The following MCF2L variants were observed in gnomAD, a reference collection of about 807,000 sequenced individuals.
The protein encoded by MCF2L is MCF.2 cell line derived transforming sequence like.
A neutral mutation model predicts 153.4 loss-of-function variants in MCF2L; 97 were observed. That is an observed-to-expected ratio of 0.63 (90% CI 0.54 to 0.75). The LOEUF (loss-of-function observed/expected upper bound fraction) is 0.75. Ranked by LOEUF, MCF2L falls within the 30% of genes least tolerant of loss-of-function variation. The pLI is 0.00. For synonymous variants in MCF2L, 659 were observed against 632.2 expected, an observed-to-expected ratio of 1.04 and a Z score of -0.64; for missense variants, 1,347 against 1,495.2, an observed-to-expected ratio of 0.90 and a Z score of 1.64.
At chr13:113,013,241 G>A (rs182633218) in intron 1 of MCF2L, among the ~76,000 whole-genome samples, 1 of 152,328 alleles carries the variant, frequency 6.6e-6, no homozygotes, top group East Asian at 1.9e-4. Context: ...CTGATTGACT[G>A]TTTCTGTCTT....
Position 113,064,034 on chromosome 13 carries a change from T to C in MCF2L, c.490-270T>C. ...TGGCTAGTGTGCAGTGCCTGCCAAA[T>C]AGCAGGGAAGGAGGGCGCACGGAGT... On this transcript the variant is annotated intron_variant, in intron 5 of 29. Coordinates refer to ENST00000535094, the MANE Select transcript of MCF2L (RefSeq NM_001112732.3). The surrounding 1 kb of genome is among the most constrained non-coding windows in gnomAD (Gnocchi z 6.0). 6.4e-6 allele frequency: 3 copies of C among 467,578 alleles called. No individual in the cohort carries two copies. The highest frequency in any genetic ancestry group is 1.2e-5 in the Non-Finnish European group (3 of 249,478). 29.0% of individuals were successfully genotyped at this position (467,578 alleles called of 1,614,324 possible).
At chr13:113,051,120 C>G (rs1221276563) in intron 4 of MCF2L, among the ~76,000 whole-genome samples, 7 of 152,212 alleles carry the variant, frequency 4.6e-5, no homozygotes, top group Admixed American at 4.6e-4. Context: ...CACAGTCCCC[C>G]CGTGGTGGAC....
upstream of MCF2L, chr13:112,965,072 G>A (rs1396082297): frequency 1.3e-5 from 2 of 152,258 alleles, no homozygotes; most frequent in African/African-American, 2.4e-5. Flanking sequence ...TATAGTTTAT[G>A]TTAATGTGAA....
intron 12 of MCF2L, among the ~76,000 whole-genome samples, chr13:113,076,714 G>A (rs1357488027): frequency 6.6e-6 from 1 of 152,266 alleles, no homozygotes; most frequent in African/African-American, 2.4e-5. Context: ...TTGTGGCATG[G>A]GTGTGTTCTT....
At position 112,932,425 on chromosome 13, in the gene MCF2L, G is replaced by A. The variant is rs999373384; in HGVS notation, c.169+30054G>A. The stretch of plus-strand genomic sequence containing the variant: ...CAGCCAAGAGGAGCTGAAGGAGACA[G>A]GATGACTGAATCCTAGAACAGAAGA... On this transcript the variant is annotated intron_variant, in intron 2 of 29. Coordinates refer to the MCF2L transcript ENST00000375608. The surrounding 1 kb of genome is among the most constrained non-coding windows in gnomAD (Gnocchi z 4.6). Among the ~76,000 whole-genome samples the A allele has an allele frequency of 7.2e-5, 11 of 152,206 alleles. No individual in the cohort carries two copies. Among genetic ancestry groups the A allele is most frequent in the African/African-American group, 2.7e-4 (11 of 41,442 alleles).
rs528272183 is a variant in MCF2L at position 113,075,108 on chromosome 13, C to T, written c.1227C>T (p.Leu409=). The T allele has an allele frequency of 9.3e-6, 15 of 1,613,680 alleles. No individual in the cohort carries two copies. In the South Asian group the frequency reaches 9.9e-5, roughly 11 times the overall value. ...CAAAGTGCCAGGAGCTCCGGCACCT[C>T]TGTGACCAGTTCTCTGCGGAGATCG... ...IRPKCQELRH[L]CDQFSAEIAR... Residue 409 remains leucine (L), a synonymous_variant, in exon 11 of 30, where the codon CTC becomes CTT. Transcript: ENST00000535094.
chr13:112,947,547 A>G (rs1276381320), intron 2 of MCF2L, among the ~76,000 whole-genome samples: 1 of 152,234 alleles, frequency 6.6e-6, no homozygotes, highest in Non-Finnish European at 1.5e-5. Context: ...AAAAGGAAAA[A>G]TAGGCAAGAG....
At chr13:113,017,413 C>G (rs1434589672) in intron 2 of MCF2L, among the ~76,000 whole-genome samples, 1 of 152,218 alleles carries the variant, frequency 6.6e-6, no homozygotes, top group Non-Finnish European at 1.5e-5. Flanking sequence ...GCCTCAAAGC[C>G]CCTCTGCCTT....
At chr13:112,931,827 G>T (rs1312879284) in intron 2 of MCF2L, among the ~76,000 whole-genome samples, 1 of 152,194 alleles carries the variant, frequency 6.6e-6, no homozygotes, top group Non-Finnish European at 1.5e-5. Context: ...GGGCAGGCCA[G>T]AGGGACGCAG....
intron 4 of MCF2L, among the ~76,000 whole-genome samples, chr13:113,057,940 GTGTTTGGGTGCTGAGTGTTTTGGCAC>G: frequency 7.0e-6 from 1 of 142,168 alleles, no homozygotes; most frequent in South Asian, 2.4e-4. Flanking sequence ...TGGGTGCTGA[GTGTTTGGGTGCTGAGTGTTTTGGCAC>G]TGTTTGGGTG....
rs541313460 is a variant in MCF2L, at chr13:112,988,591, T to C, written c.79+19133T>C. 4.6e-3 allele frequency among the ~76,000 whole-genome samples: 587 copies of C among 127,556 alleles called. 9 individuals carry two copies. The highest frequency in any genetic ancestry group is 0.016 in the African/African-American group (535 of 32,536). 83.7% of individuals were successfully genotyped at this position (127,556 alleles called of 152,430 possible). ...CTGAGCAGGGGATGGGCTACGACAC[T>C]GGAGTCCTCCCTGAGCAGGGGATGG... On this transcript the variant is annotated intron_variant, in intron 1 of 29. Coordinates refer to ENST00000535094, the MANE Select transcript of MCF2L (RefSeq NM_001112732.3).
At chr13:112,894,913 T>G (rs1194154384) in intron 1 of MCF2L, among the ~76,000 whole-genome samples, 1 of 100,862 alleles carries the variant, frequency 9.9e-6, no homozygotes, top group African/African-American at 3.3e-5. Flanking sequence ...GGGGTCCGGC[T>G]GGGGTCGGGC....
At chr13:113,013,512 T>C (rs2084309762) in intron 1 of MCF2L, among the ~76,000 whole-genome samples, 1 of 152,248 alleles carries the variant, frequency 6.6e-6, no homozygotes, top group Admixed American at 6.5e-5. Flanking sequence ...GTCCCGTGTT[T>C]ACACTTGTTT....
At chr13:113,062,948 G>C (rs1286481103) in intron 5 of MCF2L, among the ~76,000 whole-genome samples, 1 of 152,252 alleles carries the variant, frequency 6.6e-6, no homozygotes, top group Admixed American at 6.5e-5. Context: ...GTGGTGGTGT[G>C]TTGATTTCAA....
chr13:112,979,259 C>A, intron 1 of MCF2L: 1 of 1,005,414 alleles, frequency 9.9e-7, no homozygotes, highest in Non-Finnish European at 1.2e-6. Flanking sequence ...CTCCATAAGG[C>A]AAGGAGGTCC....
In MCF2L at chr13:113,096,455, C is replaced by A; in HGVS notation, c.3160C>A (p.Leu1054Met). The A allele has an allele frequency of 6.3e-7, 1 of 1,592,948 alleles. No individual in the cohort carries two copies. Among genetic ancestry groups the A allele is most frequent in the Non-Finnish European group, 8.5e-7 (1 of 1,170,990 alleles). ...CGTGAGGAGCGGGGACGTGGTGGAG[C>A]TGGTGCAGGAGGGCGACGAGGGCCT... ...LRVRSGDVVELVQEGDEGLWY... is the reference protein window; with the variant it reads ...LRVRSGDVVEMVQEGDEGLWY... Residue 1054 changes from leucine (L) to methionine (M), a missense_variant, in exon 28 of 30, where the codon CTG (leucine) becomes ATG (methionine). By Grantham distance (15) the Leu-to-Met change is conservative. Transcript: ENST00000535094.
At chr13:112,972,769 A>T (rs1417022525) in intron 1 of MCF2L, among the ~76,000 whole-genome samples, 2 of 47,488 alleles carry the variant, frequency 4.2e-5, no homozygotes, top group Non-Finnish European at 8.4e-5. Context: ...GGAGGGAGGG[A>T]GGGATGGATG....
intron 2 of MCF2L, among the ~76,000 whole-genome samples, chr13:112,940,202 A>G (rs986078615): frequency 1.3e-5 from 2 of 152,220 alleles, no homozygotes; most frequent in Admixed American, 1.3e-4. Context: ...TTTTGTCCTT[A>G]AAAACATCTT....
At chr13:113,004,135 C>T (rs1398852242) in intron 1 of MCF2L, among the ~76,000 whole-genome samples, 4 of 152,214 alleles carry the variant, frequency 2.6e-5, no homozygotes, top group Non-Finnish European at 5.9e-5. Context: ...CGCCTCCCCC[C>T]GGCCCAGCGA....
Sources: gnomAD v4.1 joint callset for allele counts (sites outside exome capture counted in the v4.1 genomes callset) on GRCh38, gnomAD v4.1.1 for gene constraint, Gnocchi (gnomAD v3.1) non-coding constraint, MANE v1.5 for transcripts, NCBI Gene and HGNC (gene_info 2026-07-23, HGNC 2026-07-21) for gene names.